TLN2: variants seen among roughly 807,000 people sequenced by gnomAD.
The protein encoded by TLN2 is talin 2, also known as talin-2.
A neutral mutation model predicts 294.7 loss-of-function variants in TLN2; 118 were observed. The observed-to-expected ratio is 0.40, with a 90% confidence interval of 0.34 to 0.47. The LOEUF (loss-of-function observed/expected upper bound fraction) is 0.47, where lower values mean the gene tolerates loss of function less well. TLN2 is among the 20% of genes least tolerant of loss of function. The pLI, the probability that TLN2 is intolerant of heterozygous loss-of-function variation, is 0.84. For missense variants in TLN2, 3,083 were observed against 3,282.2 expected, an observed-to-expected ratio of 0.94 and a Z score of 1.48; for synonymous variants, 1,431 against 1,304.5, an observed-to-expected ratio of 1.10 and a Z score of -2.09.
At chr15:62,769,279 G>T (rs1186282741) in intron 41 of TLN2, among the ~76,000 whole-genome samples, 2 of 152,226 alleles carry the variant, frequency 1.3e-5, no homozygotes, top group Non-Finnish European at 2.9e-5. Context: ...CCCTTTGGTG[G>T]TGACACCAGT....
rs577679854 is a variant in TLN2 at position 62,539,196 on chromosome 15, A to G, written c.-237-50491A>G. Among the ~76,000 whole-genome samples, 3 of 152,350 alleles carry G rather than the reference A, an allele frequency of 2.0e-5. No individual in the cohort carries two copies. In the South Asian group the frequency reaches 6.2e-4, roughly 32 times the overall value. On this transcript the variant is annotated intron_variant, in intron 1 of 58. Coordinates refer to ENST00000636159, the MANE Select transcript of TLN2 (RefSeq NM_015059.3). ...AGCTTAAGCAATGAAAATCTGAGGC[A>G]GTGCTGATAGAATTGAGGCGTGCTT...
chr15:62,406,550 C>A (rs2033419291), intron 1 of TLN2, among the ~76,000 whole-genome samples: 1 of 152,222 alleles, frequency 6.6e-6, no homozygotes, highest in South Asian at 2.1e-4. Flanking sequence ...TTTATACCCA[C>A]TTTAATAAAA....
At chr15:62,712,506 G>A (rs2059488281) in intron 22 of TLN2, among the ~76,000 whole-genome samples, 1 of 152,064 alleles carries the variant, frequency 6.6e-6, no homozygotes, top group Admixed American at 6.6e-5. Context: ...CTACTTTACG[G>A]TTCTTTAAAT....
chr15:62,727,569 C>T (rs1210857883), intron 28 of TLN2, among the ~76,000 whole-genome samples: 1 of 152,140 alleles, frequency 6.6e-6, no homozygotes, highest in African/African-American at 2.4e-5. Context: ...CAGATGCGTG[C>T]TAATAGGTAG....
At chr15:62,444,996 T>C (rs976976984) in intron 1 of TLN2, among the ~76,000 whole-genome samples, 2 of 152,198 alleles carry the variant, frequency 1.3e-5, no homozygotes, top group East Asian at 3.8e-4. Flanking sequence ...AAATTACAGT[T>C]ATTATGTATC....
At chr15:62,727,257 G>GGAGTT in intron 28 of TLN2, 68 bp downstream of exon 28, 1 of 1,410,234 alleles carries the variant, frequency 7.1e-7, no homozygotes, top group Non-Finnish European at 9.8e-7. Context: ...GGGAGGAGGA[G>GGAGTT]GAGTTCATTC....
chr15:62,495,953 A>C (rs575998110), intron 1 of TLN2, among the ~76,000 whole-genome samples: 8 of 152,244 alleles, frequency 5.3e-5, no homozygotes, highest in Admixed American at 3.3e-4. Context: ...GCCAAAAAAA[A>C]AAAAACAAAA....
In TLN2 at chr15:62,792,831, G is replaced by A. The variant is rs1460544045; in HGVS notation, c.5883+44G>A. On this transcript the variant is annotated intron_variant, in intron 46 of 58. Transcript: ENST00000636159. ...TTTAGAGTCACAAGAACCTGCGCTG[G>A]CTCTCAGTGATCCGCTGTAATCAAG... 1.9e-6 allele frequency: 3 copies of A among 1,607,596 alleles called. No homozygotes were observed. In the South Asian group the frequency reaches 3.3e-5, roughly 18 times the overall value.
At position 62,772,420 on chromosome 15, in the gene TLN2, G is replaced by A. The variant is rs146603393; in HGVS notation, c.5367+1286G>A. 4.2e-3 allele frequency among the ~76,000 whole-genome samples: 638 copies of A among 152,078 alleles called. 2 individuals are homozygous for A. Among genetic ancestry groups the A allele is most frequent in the Non-Finnish European group, 6.9e-3 (468 of 67,968 alleles). ...AGTTGCTGAAGTGGTGGAATGGAGT[G>A]AGAAAAAAAAGAATACTCTTTTGAC... On this transcript the variant is annotated intron_variant, in intron 42 of 58. Transcript: ENST00000636159.
chr15:62,708,894 G>A, intron 21 of TLN2, 98 bp downstream of exon 21: 1 of 1,401,890 alleles, frequency 7.1e-7, no homozygotes, highest in Non-Finnish European at 9.5e-7. Flanking sequence ...TGGATGACTG[G>A]CAAGGGCAAG....
chr15:62,437,127 C>G (rs2035322653), intron 1 of TLN2, among the ~76,000 whole-genome samples: 1 of 152,216 alleles, frequency 6.6e-6, no homozygotes, highest in African/African-American at 2.4e-5. Flanking sequence ...GGCTTTCTTT[C>G]ATTTGCACAG....
Position 62,819,563 on chromosome 15 carries a change from C to A in TLN2, c.6819C>A (p.Phe2273Leu). 1 of 1,613,914 alleles carries A rather than the reference C, an allele frequency of 6.2e-7. No individual in the cohort carries two copies. The highest frequency in any genetic ancestry group is 1.1e-5 in the South Asian group (1 of 91,076). ...AATTCAAGCAGCAGCTGGCCGCTTT[C>A]TCCAAGCGAGTCGCCGGCGCTGTGA... The part of the protein sequence containing the change: ...TPEFKQQLAA[F>L]SKRVAGAVTE... Residue 2273 changes from phenylalanine to leucine, a missense_variant, in exon 53 of 59, where the codon TTC becomes TTA. Phe to Leu is a conservative substitution (Grantham distance 22). Transcript: ENST00000636159.
At chr15:62,469,961 A>AGAGAGC (rs1194154524) in intron 1 of TLN2, among the ~76,000 whole-genome samples, 2 of 150,570 alleles carry the variant, frequency 1.3e-5, no homozygotes, top group Non-Finnish European at 3.0e-5. Flanking sequence ...TGTGTGAGAG[A>AGAGAGC]GAGAGCGAGA....
At chr15:62,481,799 T>TTTC (rs1491303794) in intron 1 of TLN2, among the ~76,000 whole-genome samples, 144 of 30,052 alleles carry the variant, frequency 4.8e-3, no homozygotes, top group Admixed American at 0.024. Flanking sequence ...TCTTTCTTTC[T>TTTC]TTTTTTTTTT....
intron 1 of TLN2, among the ~76,000 whole-genome samples, chr15:62,542,087 G>A (rs2041725385): frequency 6.6e-6 from 1 of 152,088 alleles, no homozygotes; most frequent in Non-Finnish European, 1.5e-5. Flanking sequence ...TCACTGATCT[G>A]TAAGATAATC....
chr15:62,805,816 A>C (rs2066240318), intron 51 of TLN2, 31 bp downstream of exon 51: 2 of 1,599,738 alleles, frequency 1.3e-6, no homozygotes, highest in Non-Finnish European at 8.5e-7. Flanking sequence ...TTGGATGGAC[A>C]GATGATTCTC....
At chr15:62,714,617 A>T (rs927842479) in intron 22 of TLN2, among the ~76,000 whole-genome samples, 2 of 152,174 alleles carry the variant, frequency 1.3e-5, no homozygotes, top group African/African-American at 4.8e-5. Flanking sequence ...ATTAAATGAG[A>T]CAACATTAAG....
intron 32 of TLN2, among the ~76,000 whole-genome samples, chr15:62,743,343 C>T (rs1164958390): frequency 1.3e-5 from 2 of 152,066 alleles, no homozygotes; most frequent in Admixed American, 6.5e-5. Flanking sequence ...TGTTAACAGT[C>T]TCAAACCCCT....
At position 62,703,625 on chromosome 15, in the gene TLN2, G is replaced by GCA. The variant is rs1416869426; in HGVS notation, c.2004+762_2004+763insAC. Among the ~76,000 whole-genome samples, 774 of 78,300 alleles carry GCA rather than the reference G, an allele frequency of 9.9e-3. 7 individuals carry two copies. The highest frequency in any genetic ancestry group is 0.031 in the African/African-American group (739 of 23,578). 51.4% of individuals were successfully genotyped at this position (78,300 alleles called of 152,430 possible). A position where few individuals can be genotyped will look rare whatever the true frequency, so the allele number is the denominator to read the frequency against. On this transcript the variant is annotated intron_variant, in intron 19 of 58. Coordinates refer to ENST00000636159, the MANE Select transcript of TLN2 (RefSeq NM_015059.3). ...TCGACACACACACACACACACACGCGCGCACACACACACACACACACACAC... is the reference window on the plus strand; with the variant it reads ...TCGACACACACACACACACACACGCGCACGCACACACACACACACACACACAC...
Sources: allele counts gnomAD v4.1 joint callset (sites outside exome capture counted in the v4.1 genomes callset), GRCh38; gene constraint gnomAD v4.1.1; transcripts MANE v1.5; gene names NCBI Gene and HGNC (gene_info 2026-07-23, HGNC 2026-07-21).